Variants in HPSE2 observed in about 807,000 individuals in gnomAD.
The protein encoded by HPSE2 is inactive heparanase-2.
In HPSE2, 38 loss-of-function variants were observed where a neutral mutation model predicts 60.5. The observed-to-expected ratio is 0.63, with a 90% CI of 0.48 to 0.82. The LOEUF (loss-of-function observed/expected upper bound fraction) is 0.82, where lower values mean the gene tolerates loss of function less well. Ranked by LOEUF, HPSE2 falls within the 40% of genes least tolerant of loss-of-function variation. The pLI is 0.00. For synonymous variants in HPSE2, 295 were observed against 293.2 expected (o/e 1.01, Z -0.06); for missense variants, 713 against 740.4 (o/e 0.96, Z 0.43).
At chr10:98,570,739 G>C (rs963780944) in intron 9 of HPSE2, among the ~76,000 whole-genome samples, 5 of 152,108 alleles carry the variant, frequency 3.3e-5, no homozygotes. Flanking sequence ...CACAGATAAA[G>C]GGTCTAGGGG....
chr10:98,617,479 T>A (rs899861907), intron 8 of HPSE2, among the ~76,000 whole-genome samples: 1 of 152,176 alleles, frequency 6.6e-6, no homozygotes. Context: ...ATTTAAGAAA[T>A]TAAGAATATG....
At chr10:98,903,701 T>A (rs1953730968) in intron 3 of HPSE2, among the ~76,000 whole-genome samples, 1 of 152,308 alleles carries the variant, frequency 6.6e-6, no homozygotes, top group Middle Eastern at 3.4e-3. Context: ...ATTCACTTTA[T>A]CAAATTTATA....
At chr10:98,922,745 C>T (rs1235838589) in intron 3 of HPSE2, among the ~76,000 whole-genome samples, 2 of 152,074 alleles carry the variant, frequency 1.3e-5, no homozygotes, top group Admixed American at 1.3e-4. Context: ...TGGCACCATT[C>T]CAAACAAACA....
intron 3 of HPSE2, among the ~76,000 whole-genome samples, chr10:99,120,400 T>C (rs1844901281): frequency 6.6e-6 from 1 of 152,048 alleles, no homozygotes. Context: ...ATTTCAAAGA[T>C]AATAACAGTC....
intron 1 of HPSE2, among the ~76,000 whole-genome samples, chr10:99,234,206 A>C (rs1276841155): frequency 2.0e-5 from 3 of 152,126 alleles, no homozygotes; most frequent in Admixed American, 1.3e-4. Context: ...CAGGAACCGA[A>C]ACGGCCTCGG....
chr10:98,549,575 T>C (rs1251241504), intron 9 of HPSE2, among the ~76,000 whole-genome samples: 1 of 152,208 alleles, frequency 6.6e-6, no homozygotes, highest in Non-Finnish European at 1.5e-5. Flanking sequence ...GACAAACTTC[T>C]TTAAAAAGCC....
rs567920113 is a variant in HPSE2 at position 98,597,352 on chromosome 10, C to T, written c.1320+17552G>A. Among the ~76,000 whole-genome samples, 5 of 152,100 alleles carry T rather than the reference C, an allele frequency of 3.3e-5. No homozygotes were observed. The South Asian group carries it at 8.3e-4, about 25-fold the overall frequency. On this transcript the variant is annotated intron_variant, in intron 9 of 11. Coordinates refer to ENST00000370552, the MANE Select transcript of HPSE2 (RefSeq NM_021828.5). ...TTTCTATTCCTTTGTCCCTTTGCTCCCCCTTGAACTTCTACAATTAAAAAA... is the reference window on the plus strand; with the variant it reads ...TTTCTATTCCTTTGTCCCTTTGCTCTCCCTTGAACTTCTACAATTAAAAAA...
At chr10:99,190,413 T>C (rs887809774) in intron 2 of HPSE2, among the ~76,000 whole-genome samples, 2 of 152,192 alleles carry the variant, frequency 1.3e-5, no homozygotes, top group Non-Finnish European at 2.9e-5. Flanking sequence ...AAGTACTCAA[T>C]AAGTATTAGC....
the HPSE2 span, among the ~76,000 whole-genome samples, chr10:99,260,717 G>A: frequency 6.6e-6 from 1 of 152,130 alleles, no homozygotes; most frequent in Non-Finnish European, 1.5e-5. Flanking sequence ...TTCCCTTGGT[G>A]GCAAGTCAAC....
intron 3 of HPSE2, among the ~76,000 whole-genome samples, chr10:98,767,580 A>T (rs1016461825): frequency 9.7e-5 from 14 of 144,868 alleles, no homozygotes; most frequent in African/African-American, 3.5e-4. Flanking sequence ...TGCTATATAT[A>T]ATATGTAGTT....
chr10:98,467,014 C>T (rs1193844506), intron 11 of HPSE2, among the ~76,000 whole-genome samples: 1 of 152,188 alleles, frequency 6.6e-6, no homozygotes, highest in African/African-American at 2.4e-5. Context: ...TTCTTTACGG[C>T]CATTTATCTA....
At chr10:99,130,565 C>G (rs769034425) in intron 3 of HPSE2, among the ~76,000 whole-genome samples, 6 of 152,144 alleles carry the variant, frequency 3.9e-5, no homozygotes, top group Non-Finnish European at 5.9e-5. Flanking sequence ...CAAGAGACGG[C>G]TAACGCTCAA....
intron 3 of HPSE2, among the ~76,000 whole-genome samples, chr10:98,983,649 G>A (rs1483513560): frequency 2.6e-5 from 4 of 152,350 alleles, no homozygotes; most frequent in Non-Finnish European, 2.9e-5. Flanking sequence ...TTTTGTGGCT[G>A]GGAAGTAAAG....
intron 3 of HPSE2, among the ~76,000 whole-genome samples, chr10:98,864,111 C>A (rs965388794): frequency 6.6e-6 from 1 of 152,146 alleles, no homozygotes; most frequent in African/African-American, 2.4e-5. Flanking sequence ...CATCACTAAT[C>A]TTACATAGAA....
intron 6 of HPSE2, among the ~76,000 whole-genome samples, chr10:98,681,356 T>C (rs1050885684): frequency 3.9e-5 from 6 of 152,190 alleles, no homozygotes; most frequent in Non-Finnish European, 7.3e-5. Flanking sequence ...AAAAAATATT[T>C]TATAATGAAA....
chr10:98,901,125 T>C (rs898590601), intron 3 of HPSE2, among the ~76,000 whole-genome samples: 13 of 152,168 alleles, frequency 8.5e-5, no homozygotes, highest in Non-Finnish European at 1.6e-4. Flanking sequence ...CAGAATGATT[T>C]CATTTATACG....
chr10:98,640,251 T>C (rs933614107), intron 7 of HPSE2, among the ~76,000 whole-genome samples: 2 of 152,236 alleles, frequency 1.3e-5, no homozygotes, highest in African/African-American at 4.8e-5. Flanking sequence ...ACTTGCTAAA[T>C]GCTCAGTGAA....
chr10:98,886,404 C>T (rs1461257950), intron 3 of HPSE2, among the ~76,000 whole-genome samples: 1 of 152,054 alleles, frequency 6.6e-6, no homozygotes, highest in Non-Finnish European at 1.5e-5. Flanking sequence ...CCAAAGTTCA[C>T]AAAAATTTAC....
chr10:99,111,448 C>A (rs1844454187), intron 3 of HPSE2, among the ~76,000 whole-genome samples: 1 of 152,028 alleles, frequency 6.6e-6, no homozygotes, highest in African/African-American at 2.4e-5. Context: ...AGATTAAAAT[C>A]TAGAGGGAGA....
Sources: allele counts gnomAD v4.1 joint callset (sites outside exome capture counted in the v4.1 genomes callset), GRCh38; gene constraint gnomAD v4.1.1; transcripts MANE v1.5; gene names NCBI Gene and HGNC (gene_info 2026-07-23, HGNC 2026-07-21).